Variants in CYP4F3 observed in about 807,000 individuals in gnomAD.
The protein encoded by CYP4F3 is cytochrome P450 family 4 subfamily F member 3, also known as cytochrome P450 4F3.
CYP4F3 carries 50 observed loss-of-function variants against 54.8 expected under a neutral mutation model. That is an observed-to-expected ratio of 0.91 (90% CI 0.73 to 1.16). The LOEUF is 1.16. Among genes scored for constraint, CYP4F3 ranks in the 50% most tolerant of loss-of-function variants. CYP4F3 has a pLI of 0.00. For synonymous variants in CYP4F3, 244 were observed against 262.6 expected, an observed-to-expected ratio of 0.93 and a Z score of 0.69; for missense variants, 715 against 676.2, an observed-to-expected ratio of 1.06 and a Z score of -0.64.
rs1568398349 is a variant in CYP4F3 at position 15,650,816 on chromosome 19, T to TCTCTC, written c.918+633_918+634insCTCTC. On this transcript the variant is annotated intron_variant, in intron 7 of 12. Coordinates refer to ENST00000221307, the MANE Select transcript of CYP4F3 (RefSeq NM_000896.3). ...CTTTCTTTCTCTCTCTTCTCTTTCTTTCTTTCTTTCTTTCTTTCTTTCTTT... is the reference window on the plus strand; with the variant it reads ...CTTTCTTTCTCTCTCTTCTCTTTCTTCTCTCTCTTTCTTTCTTTCTTTCTTTCTTT... 5.6e-5 allele frequency among the ~76,000 whole-genome samples: 2 copies of TCTCTC among 35,840 alleles called. 1 individual carries two copies. Among genetic ancestry groups the TCTCTC allele is most frequent in the Admixed American group, 7.2e-4 (2 of 2,768 alleles). The allele number at this position is 35,840 out of a possible 152,430, so 23.5% of individuals were successfully genotyped here. A position where few individuals can be genotyped will look rare whatever the true frequency, so the allele number is the denominator to read the frequency against.
rs1972711239 is a variant in CYP4F3, at chr19:15,649,143, T to A, written c.526-17T>A. ...GAGCAAGGGACCTGCCCCAGCTCTG[T>A]CCCCTTCTCTGGCTAGGCCAAGTGG... On this transcript the variant is annotated splice_polypyrimidine_tract_variant and intron_variant, in intron 5 of 12. Coordinates refer to ENST00000221307, the MANE Select transcript of CYP4F3 (RefSeq NM_000896.3). 1 of 1,612,912 alleles carries A rather than the reference T, an allele frequency of 6.2e-7. No individual in the cohort carries two copies. Among genetic ancestry groups the A allele is most frequent in the Non-Finnish European group, 8.5e-7 (1 of 1,179,148 alleles).
intron 9 of CYP4F3, among the ~76,000 whole-genome samples, chr19:15,653,767 AG>A (rs1972937655): frequency 6.7e-6 from 1 of 149,646 alleles, no homozygotes; most frequent in Non-Finnish European, 1.5e-5. Flanking sequence ...AGAGAGAGAG[AG>A]AGAGAGAGAG....
intron 6 of CYP4F3, 104 bp from the exon 7 acceptor site, chr19:15,649,809 A>G: frequency 6.7e-7 from 1 of 1,500,920 alleles, no homozygotes; most frequent in Non-Finnish European, 9.0e-7. Context: ...GTTCCTGGAT[A>G]CCCCGTTTAC....
rs1973095482 is a variant in CYP4F3 at position 15,658,547 on chromosome 19, G to A, written c.1306G>A (p.Asp436Asn). 1 of 1,614,140 alleles carries A rather than the reference G, an allele frequency of 6.2e-7. No homozygotes were observed. Among genetic ancestry groups the A allele is most frequent in the Non-Finnish European group, 8.5e-7 (1 of 1,180,018 alleles). The change falls in exon 11 of 13, where the codon GAC becomes AAC. Residue 436 changes from aspartate (D) to asparagine (N), a missense_variant. Physicochemically the swap from Asp to Asn is conservative, Grantham distance 23. Transcript: ENST00000221307. ...CCATCACAACCCAGCCGTGTGGCCGGACCCTGAGGTGCGGGCCCCCCGTCT... is the reference window on the plus strand; with the variant it reads ...CCATCACAACCCAGCCGTGTGGCCGAACCCTGAGGTGCGGGCCCCCCGTCT... ...GTHHNPAVWP[D>N]PEVYDPFRFD...
chr19:15,644,050 A>C, intron 2 of CYP4F3: 1 of 1,580,234 alleles, frequency 6.3e-7, no homozygotes, highest in African/African-American at 1.4e-5. Flanking sequence ...TCAACGCCTC[A>C]GGTACCACCT....
Position 15,643,881 on chromosome 19 carries a change from G to A in CYP4F3, c.199-1838G>A, listed in dbSNP as rs751723771. 2.2e-5 allele frequency: 34 copies of A among 1,526,588 alleles called. No individual in the cohort carries two copies. In the South Asian group the frequency reaches 4.1e-4, roughly 18 times the overall value. 94.6% of individuals were successfully genotyped at this position (1,526,588 alleles called of 1,614,324 possible). ...ACACCTAGAATTAACCATGACAGGAGGTGACGGCCCCTGCCTTGCTTGCAG... is the reference window on the plus strand; with the variant it reads ...ACACCTAGAATTAACCATGACAGGAAGTGACGGCCCCTGCCTTGCTTGCAG... On this transcript the variant is annotated intron_variant, in intron 2 of 12. Transcript: ENST00000221307.
Position 15,641,528 on chromosome 19 carries a change from C to T in CYP4F3, c.113C>T (p.Thr38Ile), listed in dbSNP as rs1278498735. 6 of 1,614,046 alleles carry T rather than the reference C, an allele frequency of 3.7e-6. No homozygotes were observed. The Admixed American group carries it at 1.0e-4, about 27-fold the overall frequency. Residue 38 changes from threonine (T) to isoleucine (I), a missense_variant, in exon 2 of 13, where the codon ACC becomes ATC. Thr to Ile is a moderately conservative substitution (Grantham distance 89). Coordinates refer to ENST00000221307, the MANE Select transcript of CYP4F3 (RefSeq NM_000896.3). Reference sequence around the variant, plus strand: ...CTCCTGGCCCGCATCCTGGCCTGGACCTATACCTTCTATGACAACTGCTGC... The same window carrying T: ...CTCCTGGCCCGCATCCTGGCCTGGATCTATACCTTCTATGACAACTGCTGC... ...SWLLARILAW[T>I]YTFYDNCCRL...
rs1972717532 is a variant in CYP4F3, at chr19:15,649,278, AG to A, written c.646del (p.Glu216ArgfsTer17). 1 of 1,612,662 alleles carries A rather than the reference AG, an allele frequency of 6.2e-7. No individual in the cohort carries two copies. Among genetic ancestry groups the A allele is most frequent in the African/African-American group, 1.3e-5 (1 of 74,854 alleles). On this transcript the variant is annotated frameshift_variant and splice_region_variant, in exon 6 of 13. Coordinates refer to ENST00000221307, the MANE Select transcript of CYP4F3 (RefSeq NM_000896.3). LOFTEE classifies it high-confidence loss of function. The part of the protein sequence containing the change: ...KCVFSFDSHC[Q>X]EKPSEYIAAI... Reference sequence around the variant, plus strand: ...GTCTTCAGCTTTGACAGCCATTGCCAGGAGTAAGTTCTTGCCCAGGGTCTGG... The same window carrying A: ...GTCTTCAGCTTTGACAGCCATTGCCAGAGTAAGTTCTTGCCCAGGGTCTGG...
chr19:15,653,403 C>G (rs189410513), intron 9 of CYP4F3, among the ~76,000 whole-genome samples: 102 of 152,262 alleles, frequency 6.7e-4, no homozygotes, highest in Non-Finnish European at 1.2e-3. Context: ...TTCATCCATC[C>G]AGTCCTCGTT....
At chr19:15,650,740 TCCTTCCTTCCA>T (rs1388262020) in intron 7 of CYP4F3, among the ~76,000 whole-genome samples, 2 of 93,732 alleles carry the variant, frequency 2.1e-5, no homozygotes, top group South Asian at 3.8e-4. Flanking sequence ...TTCTTTCTTT[TCCTTCCTTCCA>T]TCTTTCTTTC....
At chr19:15,650,660 T>TTTTCTTCC (rs1972770832) in intron 7 of CYP4F3, among the ~76,000 whole-genome samples, 1 of 35,610 alleles carries the variant, frequency 2.8e-5, no homozygotes, top group Admixed American at 3.2e-4. Flanking sequence ...CCTGCCTTCT[T>TTTTCTTCC]TTTCTTTCTT....
At chr19:15,652,514 A>G (rs1972885143) in intron 7 of CYP4F3, 55 bp from the exon 8 acceptor site, 1 of 1,503,322 alleles carries the variant, frequency 6.7e-7, no homozygotes, top group Non-Finnish European at 8.9e-7. Flanking sequence ...GAGCCCTCAG[A>G]GGTACTGTGA....
intron 5 of CYP4F3, 109 bp from the exon 6 acceptor site, chr19:15,649,051 G>A: frequency 1.3e-6 from 2 of 1,512,456 alleles, no homozygotes; most frequent in East Asian, 2.3e-5. Context: ...GGGTCCCTGG[G>A]GAGAAGATGA....
At chr19:15,654,810 A>G (rs1353909156) in intron 9 of CYP4F3, among the ~76,000 whole-genome samples, 1 of 152,258 alleles carries the variant, frequency 6.6e-6, no homozygotes, top group Non-Finnish European at 1.5e-5. Context: ...TAGTGCTGCA[A>G]TAAATACAGA....
intron 6 of CYP4F3, 44 bp from the exon 7 acceptor site, chr19:15,649,869 A>G: frequency 5.0e-6 from 8 of 1,601,570 alleles, no homozygotes; most frequent in Non-Finnish European, 6.8e-6. Context: ...CTGGGGCTTC[A>G]GGTGTATTAA....
intron 2 of CYP4F3, chr19:15,643,990 C>T: frequency 6.2e-7 from 1 of 1,605,918 alleles, no homozygotes; most frequent in South Asian, 1.1e-5. Flanking sequence ...GGATGGGCCC[C>T]ATCTTCCCCG....
chr19:15,644,532 A>G (rs1463663108), intron 2 of CYP4F3, among the ~76,000 whole-genome samples: 1 of 152,208 alleles, frequency 6.6e-6, no homozygotes, highest in Non-Finnish European at 1.5e-5. Flanking sequence ...GGGCATCGTT[A>G]GTGTTCAAGG....
intron 9 of CYP4F3, among the ~76,000 whole-genome samples, chr19:15,656,541 T>C (rs1481903383): frequency 7.8e-6 from 1 of 128,808 alleles, no homozygotes; most frequent in Non-Finnish European, 1.8e-5. Context: ...CATCTATCAA[T>C]GTATCTATCA....
intron 9 of CYP4F3, among the ~76,000 whole-genome samples, chr19:15,653,535 G>T (rs933607788): frequency 1.3e-5 from 2 of 152,160 alleles, no homozygotes; most frequent in South Asian, 2.1e-4. Context: ...AGCCTGGTGG[G>T]GGAACTGTCC....
Sources: allele counts gnomAD v4.1 joint callset (sites outside exome capture counted in the v4.1 genomes callset), GRCh38; gene constraint gnomAD v4.1.1; transcripts MANE v1.5; gene names NCBI Gene and HGNC (gene_info 2026-07-23, HGNC 2026-07-21).